Variants in CDH18 observed in about 807,000 individuals in gnomAD.
The protein encoded by CDH18 is cadherin-18.
In CDH18, 31 loss-of-function variants were observed where a neutral mutation model predicts 67.9. The observed-to-expected ratio is 0.46, with a 90% CI of 0.34 to 0.62. CDH18 has a LOEUF of 0.62. Ranked by LOEUF, CDH18 falls within the 20% of genes least tolerant of loss-of-function variation. CDH18 has a pLI of 0.01. For missense variants in CDH18, 890 were observed against 975.5 expected (o/e 0.91, Z 1.17); for synonymous variants, 362 against 347.2 (o/e 1.04, Z -0.48).
intron 5 of CDH18, among the ~76,000 whole-genome samples, chr5:19,656,393 G>C (rs565200314): frequency 6.6e-6 from 1 of 152,048 alleles, no homozygotes; most frequent in Admixed American, 6.6e-5. Flanking sequence ...AGTAGATAGA[G>C]ATGGCATATT....
At chr5:19,866,509 A>G (rs1785515391) in intron 2 of CDH18, among the ~76,000 whole-genome samples, 1 of 152,186 alleles carries the variant, frequency 6.6e-6, no homozygotes, top group South Asian at 2.1e-4. Context: ...AGGTGCAAAG[A>G]CAAGATGAAG....
At chr5:20,141,317 A>C (rs1035376846) in intron 2 of CDH18, among the ~76,000 whole-genome samples, 6 of 152,188 alleles carry the variant, frequency 3.9e-5, no homozygotes, top group African/African-American at 1.4e-4. Flanking sequence ...GAGACAAATC[A>C]CAAGAAGGGA....
intron 1 of CDH18, among the ~76,000 whole-genome samples, chr5:20,547,488 G>A (rs1757404278): frequency 6.6e-6 from 1 of 151,564 alleles, no homozygotes; most frequent in East Asian, 1.9e-4. Flanking sequence ...TTGAACCCAG[G>A]AGGCAGAGGT....
chr5:20,505,408 T>A (rs1393320150), intron 1 of CDH18, among the ~76,000 whole-genome samples: 2 of 152,154 alleles, frequency 1.3e-5, no homozygotes, highest in Admixed American at 6.5e-5. Flanking sequence ...GATAAAGCAA[T>A]CTAACTTTTT....
chr5:20,046,202 C>T lies in CDH18; in HGVS notation c.-517-54188G>A, dbSNP rs1580115972. 4.6e-5 allele frequency among the ~76,000 whole-genome samples: 7 copies of T among 151,846 alleles called. No homozygotes were observed. The South Asian group carries it at 1.0e-3, about 23-fold the overall frequency. Reference sequence around the variant, plus strand: ...CTGGAAATATTTTGAAGATAGAGCCCATGGAATTTGTTGACAGATTAATAT... The same window carrying T: ...CTGGAAATATTTTGAAGATAGAGCCTATGGAATTTGTTGACAGATTAATAT... On this transcript the variant is annotated intron_variant, in intron 2 of 14. Coordinates refer to the CDH18 transcript ENST00000507958.
intron 1 of CDH18, among the ~76,000 whole-genome samples, chr5:20,294,545 C>A (rs1427348884): frequency 2.6e-5 from 4 of 152,240 alleles, no homozygotes; most frequent in African/African-American, 7.2e-5. Flanking sequence ...GAGGACATAT[C>A]GCAGTAATGA....
intron 5 of CDH18, among the ~76,000 whole-genome samples, chr5:19,697,726 A>G (rs1762717440): frequency 6.6e-6 from 1 of 152,178 alleles, no homozygotes; most frequent in African/African-American, 2.4e-5. Flanking sequence ...TAGGGTCACA[A>G]GAAGAAAAAT....
chr5:20,347,098 A>G (rs1740765099), intron 1 of CDH18, among the ~76,000 whole-genome samples: 1 of 152,176 alleles, frequency 6.6e-6, no homozygotes, highest in South Asian at 2.1e-4. Context: ...GAGATATATG[A>G]AATACCATTA....
At chr5:19,982,655 C>T (rs536761896) in intron 1 of CDH18, among the ~76,000 whole-genome samples, 13 of 152,102 alleles carry the variant, frequency 8.5e-5, no homozygotes, top group South Asian at 2.1e-4. Flanking sequence ...TTTTTAAAAT[C>T]GATATATTGA....
At chr5:20,536,293 GAA>G (rs1389672514) in intron 1 of CDH18, among the ~76,000 whole-genome samples, 4 of 152,040 alleles carry the variant, frequency 2.6e-5, no homozygotes, top group Non-Finnish European at 5.9e-5. Flanking sequence ...GGGACTGGGG[GAA>G]AATAATACTC....
chr5:19,766,343 T>C (rs1773095120), intron 3 of CDH18, among the ~76,000 whole-genome samples: 1 of 152,210 alleles, frequency 6.6e-6, no homozygotes. Flanking sequence ...CTTTCATCAT[T>C]TCTCCTCACT....
upstream of CDH18, among the ~76,000 whole-genome samples, chr5:19,991,063 G>C (rs1799954241): frequency 6.6e-6 from 1 of 152,116 alleles, no homozygotes; most frequent in Non-Finnish European, 1.5e-5. Flanking sequence ...ATTGATGCTG[G>C]TCAGACTATA....
At chr5:20,130,289 G>A (rs961799276) in intron 2 of CDH18, among the ~76,000 whole-genome samples, 5 of 151,668 alleles carry the variant, frequency 3.3e-5, no homozygotes, top group Admixed American at 6.6e-5. Flanking sequence ...TGTGATTGTG[G>A]AAGGTGGCAA....
At chr5:19,587,963 T>A (rs1341956964) in intron 7 of CDH18, among the ~76,000 whole-genome samples, 2 of 152,124 alleles carry the variant, frequency 1.3e-5, no homozygotes, top group African/African-American at 4.8e-5. Flanking sequence ...CTGATTTCTT[T>A]GAGCAGTGGT....
At chr5:19,876,717 G>T (rs936155055) in intron 2 of CDH18, among the ~76,000 whole-genome samples, 3 of 152,010 alleles carry the variant, frequency 2.0e-5, no homozygotes, top group African/African-American at 7.2e-5. Context: ...GGCATGAGTA[G>T]GTTTTATGTA....
chr5:19,776,123 A>G (rs1774336727), intron 3 of CDH18, among the ~76,000 whole-genome samples: 1 of 152,194 alleles, frequency 6.6e-6, no homozygotes, highest in Non-Finnish European at 1.5e-5. Flanking sequence ...AAAAAATACT[A>G]TCTTGGAATA....
intron 1 of CDH18, among the ~76,000 whole-genome samples, chr5:19,986,939 T>C (rs1437334705): frequency 6.6e-6 from 1 of 152,144 alleles, no homozygotes; most frequent in East Asian, 1.9e-4. Flanking sequence ...AAATAAAGGT[T>C]TGAAAACACA....
intron 5 of CDH18, among the ~76,000 whole-genome samples, chr5:19,706,234 C>T (rs967655203): frequency 1.3e-5 from 2 of 152,116 alleles, no homozygotes; most frequent in African/African-American, 4.8e-5. Context: ...TAGAATGTAC[C>T]CTTTTACATC....
chr5:20,039,513 A>G (rs1459875724), intron 2 of CDH18, among the ~76,000 whole-genome samples: 1 of 152,154 alleles, frequency 6.6e-6, no homozygotes, highest in African/African-American at 2.4e-5. Context: ...AGACCAATGC[A>G]ACACAACAGA....
Sources: allele counts gnomAD v4.1 joint callset (sites outside exome capture counted in the v4.1 genomes callset), GRCh38; gene constraint gnomAD v4.1.1; transcripts MANE v1.5; gene names NCBI Gene and HGNC (gene_info 2026-07-23, HGNC 2026-07-21).